The following NAV2 variants were observed in gnomAD, a reference collection of about 807,000 sequenced individuals.
NAV2 encodes helicase, APC down-regulated 1.
A neutral mutation model predicts 223.2 loss-of-function variants in NAV2; 54 were observed. The ratio of observed to expected loss-of-function variants is 0.24; its 90% confidence interval spans 0.19 to 0.30. NAV2 has a LOEUF of 0.30. Ranked by LOEUF, NAV2 falls within the 10% of genes least tolerant of loss-of-function variation. NAV2 has a pLI of 1.00. For missense variants in NAV2, 2,806 were observed against 3,147.5 expected (o/e 0.89, Z 2.60); for synonymous variants, 1,279 against 1,239.3 (o/e 1.03, Z -0.67).
At chr11:19,732,827 A>T (rs2051925624) in intron 1 of NAV2, among the ~76,000 whole-genome samples, 1 of 152,210 alleles carries the variant, frequency 6.6e-6, no homozygotes, top group South Asian at 2.1e-4. Context: ...TCAGGGAGAA[A>T]GAGCATCCTT....
intron 1 of NAV2, among the ~76,000 whole-genome samples, chr11:19,728,693 C>T (rs959946840): frequency 2.3e-4 from 35 of 152,314 alleles, no homozygotes; most frequent in African/African-American, 7.2e-4. Flanking sequence ...GTGGCAAATG[C>T]CTGGCATGTG....
chr11:19,629,135 C>T (rs1796879836), intron 1 of NAV2, among the ~76,000 whole-genome samples: 1 of 152,114 alleles, frequency 6.6e-6, no homozygotes, highest in Non-Finnish European at 1.5e-5. Flanking sequence ...CCCGCTCTGC[C>T]TCAGTGTCTC....
chr11:19,533,467 C>T (rs1163872012), intron 1 of NAV2, among the ~76,000 whole-genome samples: 1 of 152,132 alleles, frequency 6.6e-6, no homozygotes, highest in African/African-American at 2.4e-5. Flanking sequence ...CAAAGGCCAT[C>T]AGCTGACCAT....
chr11:19,378,530 G>C (rs545685745), intron 1 of NAV2, among the ~76,000 whole-genome samples: 1 of 150,206 alleles, frequency 6.7e-6, no homozygotes, highest in Admixed American at 6.7e-5. Context: ...AAAGAGCGGC[G>C]CCTCACTATT....
intron 36 of NAV2, among the ~76,000 whole-genome samples, chr11:20,113,585 CAA>C (rs2153723741): frequency 6.6e-6 from 1 of 152,288 alleles, no homozygotes; most frequent in South Asian, 2.1e-4. Flanking sequence ...AAATACATGA[CAA>C]GAGAGAAGCC....
intron 6 of NAV2, among the ~76,000 whole-genome samples, chr11:19,932,972 G>A (rs1223685525): frequency 6.6e-6 from 1 of 152,190 alleles, no homozygotes; most frequent in Non-Finnish European, 1.5e-5. Context: ...TGGGGTTGGG[G>A]GGATGTGAAC....
At chr11:19,737,870 C>T (rs905891567) in intron 1 of NAV2, among the ~76,000 whole-genome samples, 4 of 152,164 alleles carry the variant, frequency 2.6e-5, no homozygotes, top group African/African-American at 9.7e-5. Context: ...TCTGACAGCC[C>T]AAGCCATGGC....
At chr11:19,806,855 C>T (rs1031950801) in intron 1 of NAV2, among the ~76,000 whole-genome samples, 5 of 152,196 alleles carry the variant, frequency 3.3e-5, no homozygotes, top group African/African-American at 7.2e-5. Context: ...TTTCCTCTTT[C>T]GGAGATAATT....
chr11:19,567,218 G>C (rs1219247828), intron 1 of NAV2, among the ~76,000 whole-genome samples: 1 of 152,112 alleles, frequency 6.6e-6, no homozygotes, highest in Non-Finnish European at 1.5e-5. Flanking sequence ...TTTCACTTTT[G>C]ACTGTGGACT....
At chr11:19,834,897 A>G (rs2060149687) in intron 2 of NAV2, among the ~76,000 whole-genome samples, 1 of 152,212 alleles carries the variant, frequency 6.6e-6, no homozygotes, top group Non-Finnish European at 1.5e-5. Flanking sequence ...CAAGTTAGGT[A>G]TCAAATATGA....
intron 1 of NAV2, among the ~76,000 whole-genome samples, chr11:19,360,490 T>C (rs1853870650): frequency 6.6e-6 from 1 of 152,176 alleles, no homozygotes; most frequent in South Asian, 2.1e-4. Context: ...ACATAAAGTC[T>C]CTCCGACTGT....
In NAV2 at chr11:19,575,102, G is replaced by A. The variant is rs142844161; in HGVS notation, c.75+224075G>A. On this transcript the variant is annotated intron_variant, in intron 1 of 37. Transcript: ENST00000360655. ...CAAGGGTTGGCTGCACTTAAGATCC[G>A]GGGTGCTGCCAGGATGTTCTTTTTG... Among the ~76,000 whole-genome samples, 518 of 152,318 alleles carry A rather than the reference G, an allele frequency of 3.4e-3. 4 individuals are homozygous for A. Among genetic ancestry groups the A allele is most frequent in the African/African-American group, 0.012 (497 of 41,562 alleles).
At chr11:19,702,790 ATAATAATAATAATAG>A (rs367807938) in intron 1 of NAV2, among the ~76,000 whole-genome samples, 5,685 of 70,310 alleles carry the variant, frequency 0.081, 147 homozygotes, top group Middle Eastern at 0.16. Context: ...AATAATAATA[ATAATAATAATAATAG>A]TAATAATAAT....
intron 10 of NAV2, among the ~76,000 whole-genome samples, chr11:19,983,137 C>T (rs1004945004): frequency 6.7e-6 from 1 of 149,754 alleles, no homozygotes; most frequent in African/African-American, 2.6e-5. Flanking sequence ...TTCCTGTTCT[C>T]CTCTGAAGAT....
chr11:19,995,836 T>G lies in NAV2; in HGVS notation c.2768+11589T>G, dbSNP rs531143939. ...GTAACTGAATTGTTTTTATTTTTTT[T>G]GGGTGCTTTGACTCAGGATTTAATC... On this transcript the variant is annotated intron_variant, in intron 11 of 37. Coordinates refer to ENST00000349880, the MANE Select transcript of NAV2 (RefSeq NM_145117.5). 1.2e-4 allele frequency among the ~76,000 whole-genome samples: 19 copies of G among 152,334 alleles called. No individual in the cohort carries two copies. In the South Asian group the frequency reaches 2.3e-3, roughly 18 times the overall value.
intron 6 of NAV2, among the ~76,000 whole-genome samples, chr11:19,927,776 C>T (rs189768501): frequency 1.3e-5 from 2 of 152,120 alleles, no homozygotes; most frequent in Non-Finnish European, 2.9e-5. Context: ...TAGCATATAT[C>T]AGAGTTTATT....
upstream of NAV2, among the ~76,000 whole-genome samples, chr11:19,349,236 G>C (rs1044857952): frequency 6.6e-6 from 1 of 152,176 alleles, no homozygotes; most frequent in East Asian, 1.9e-4. Flanking sequence ...AGTGTTTCAC[G>C]TGTGTGGGAC....
At chr11:19,957,248 C>T (rs1434563189) in intron 10 of NAV2, among the ~76,000 whole-genome samples, 1 of 152,178 alleles carries the variant, frequency 6.6e-6, no homozygotes, top group East Asian at 1.9e-4. Flanking sequence ...CTCTCTGCTT[C>T]CCTCAGTGTC....
intron 1 of NAV2, among the ~76,000 whole-genome samples, chr11:19,454,873 A>C (rs74919048): frequency 0.045 from 6,840 of 152,236 alleles, 399 homozygotes; most frequent in African/African-American, 0.13. Context: ...ATAAGACAAA[A>C]CTTTGTGTCT....
Sources: gnomAD v4.1 joint callset for allele counts (sites outside exome capture counted in the v4.1 genomes callset) on GRCh38, gnomAD v4.1.1 for gene constraint, MANE v1.5 for transcripts, NCBI Gene and HGNC (gene_info 2026-07-23, HGNC 2026-07-21) for gene names.